The following WDFY3 variants were observed in gnomAD, a reference collection of about 807,000 sequenced individuals.
WDFY3 encodes WD repeat and FYVE domain-containing protein 3.
A neutral mutation model predicts 409.6 loss-of-function variants in WDFY3; 66 were observed. That is an observed-to-expected ratio of 0.16 (90% CI 0.13 to 0.20). WDFY3 has a LOEUF of 0.20. Among genes scored for constraint, WDFY3 ranks in the 10% least tolerant of loss-of-function variants. The pLI is 1.00. For missense variants in WDFY3, 3,031 were observed against 4,298.1 expected (o/e 0.71, Z 8.24); for synonymous variants, 1,521 against 1,537.1 (o/e 0.99, Z 0.25).
At chr4:84,820,037 A>C in intron 12 of WDFY3, 48 bp downstream of exon 12, 1 of 1,447,612 alleles carries the variant, frequency 6.9e-7, no homozygotes. Context: ...CAGAAGATGT[A>C]ATCAGTGGTA....
intron 51 of WDFY3, among the ~76,000 whole-genome samples, chr4:84,711,015 T>G (rs1000918692): frequency 2.6e-5 from 4 of 152,250 alleles, no homozygotes; most frequent in African/African-American, 9.6e-5. Context: ...AGTATTTAGA[T>G]GCACACAGAC....
chr4:84,782,614 C>T (rs1054017130), intron 25 of WDFY3, among the ~76,000 whole-genome samples: 3 of 152,164 alleles, frequency 2.0e-5, no homozygotes, highest in Admixed American at 6.5e-5. Context: ...TTCAGCTCCC[C>T]GCTATGAGTG....
chr4:84,683,386 G>A (rs1727736192), intron 63 of WDFY3, among the ~76,000 whole-genome samples: 1 of 152,160 alleles, frequency 6.6e-6, no homozygotes. Flanking sequence ...AAAATCTCCT[G>A]AGACAGAAAA....
rs1232027530 is a variant in WDFY3 at position 84,880,690 on chromosome 4, T to C, written c.-32+16221A>G. On this transcript the variant is annotated intron_variant, in intron 3 of 67. Transcript: ENST00000295888. ...GGAACCATACATATATATATATATATATATATATATATATATATATATATA... is the reference window on the plus strand; with the variant it reads ...GGAACCATACATATATATATATATACATATATATATATATATATATATATA... 3.5e-4 allele frequency among the ~76,000 whole-genome samples: 15 copies of C among 42,688 alleles called. 1 individual carries two copies. The highest frequency in any genetic ancestry group is 1.5e-3 in the East Asian group (2 of 1,334). The allele number at this position is 42,688 out of a possible 152,430, so 28.0% of individuals were successfully genotyped here. A position where few individuals can be genotyped will look rare whatever the true frequency, so the allele number is the denominator to read the frequency against.
chr4:84,703,512 CT>C (rs1331807663), intron 55 of WDFY3, among the ~76,000 whole-genome samples: 2 of 152,146 alleles, frequency 1.3e-5, no homozygotes, highest in Admixed American at 1.3e-4. Flanking sequence ...TTGTCGAACT[CT>C]TCCCCTACAA....
chr4:84,733,020 C>T (rs921680586), intron 44 of WDFY3, among the ~76,000 whole-genome samples: 1 of 152,174 alleles, frequency 6.6e-6, no homozygotes, highest in Non-Finnish European at 1.5e-5. Context: ...TGAACTAAAT[C>T]CTCCTAACAG....
intron 36 of WDFY3, among the ~76,000 whole-genome samples, chr4:84,749,135 C>A (rs532362898): frequency 3.3e-5 from 5 of 152,116 alleles, no homozygotes; most frequent in Non-Finnish European, 7.4e-5. Context: ...ATCCTTCTGC[C>A]TTGACCTCCC....
intron 2 of WDFY3, among the ~76,000 whole-genome samples, chr4:84,904,215 TTC>T (rs1440375740): frequency 1.3e-5 from 2 of 152,246 alleles, no homozygotes; most frequent in Admixed American, 1.3e-4. Flanking sequence ...AGAAATAAAT[TTC>T]TGTCATGCAT....
intron 29 of WDFY3, among the ~76,000 whole-genome samples, chr4:84,774,429 T>TA (rs1329879123): frequency 6.6e-6 from 1 of 152,194 alleles, no homozygotes. Context: ...TGACAGAGAA[T>TA]AAAAAATAGC....
chr4:84,778,770 T>A, intron 26 of WDFY3, 115 bp from the exon 27 acceptor site: 2 of 924,286 alleles, frequency 2.2e-6, no homozygotes, highest in Non-Finnish European at 3.0e-6. Context: ...AACACACACA[T>A]ACACACAGAA....
intron 1 of WDFY3, among the ~76,000 whole-genome samples, chr4:84,939,169 G>C (rs538310379): frequency 2.2e-4 from 34 of 152,016 alleles, no homozygotes; most frequent in African/African-American, 8.0e-4. Context: ...CTTTTTTAAG[G>C]ACCACAGTTC....
At chr4:84,835,571 T>C (rs1288367556) in intron 7 of WDFY3, among the ~76,000 whole-genome samples, 1 of 152,216 alleles carries the variant, frequency 6.6e-6, no homozygotes, top group Non-Finnish European at 1.5e-5. Flanking sequence ...AGATCAAGTG[T>C]TCAATAAACA....
chr4:84,857,033 T>C (rs1459461779), intron 4 of WDFY3, among the ~76,000 whole-genome samples: 1 of 152,220 alleles, frequency 6.6e-6, no homozygotes, highest in Non-Finnish European at 1.5e-5. Flanking sequence ...TTTAAAATAA[T>C]ACATTTTTCA....
intron 64 of WDFY3, 125 bp downstream of exon 64, chr4:84,682,249 A>G (rs1727492711): frequency 6.5e-6 from 5 of 773,516 alleles, no homozygotes; most frequent in South Asian, 5.6e-5. Flanking sequence ...ACAGGCAGCA[A>G]CCATGCTTCT....
At chr4:84,754,025 T>C (rs1740989119) in intron 34 of WDFY3, 149 bp from the exon 35 acceptor site, 3 of 814,018 alleles carry the variant, frequency 3.7e-6, no homozygotes, top group Non-Finnish European at 5.0e-6. Context: ...CAAACACACA[T>C]GTATACACAC....
chr4:84,739,053 C>T lies in WDFY3; in HGVS notation c.6531G>A (p.Ser2177=), dbSNP rs760804870. 7 of 1,614,066 alleles carry T rather than the reference C, an allele frequency of 4.3e-6. No individual in the cohort carries two copies. In the South Asian group the frequency reaches 4.4e-5, roughly 10 times the overall value. Residue 2177 remains serine (S), a synonymous_variant, in exon 40 of 68, where the codon TCG becomes TCA. Coordinates refer to ENST00000295888, the MANE Select transcript of WDFY3 (RefSeq NM_014991.6). ...RMTTWHIMIP[S]DIEPDGSYSQ... is the part of the protein sequence containing the mutation. ...TGTAACTACCATCTGGTTCAATGTCCGAGGGGATCATAATGTGCCATGTGG... is the reference window on the plus strand; with the variant it reads ...TGTAACTACCATCTGGTTCAATGTCTGAGGGGATCATAATGTGCCATGTGG...
At chr4:84,797,272 T>A (rs186953614) in intron 18 of WDFY3, among the ~76,000 whole-genome samples, 1 of 152,226 alleles carries the variant, frequency 6.6e-6, no homozygotes, top group East Asian at 1.9e-4. Flanking sequence ...AAATGCATGA[T>A]CGTAAAAGTA....
intron 11 of WDFY3, among the ~76,000 whole-genome samples, chr4:84,820,607 C>T (rs1022710618): frequency 1.3e-5 from 2 of 151,964 alleles, no homozygotes; most frequent in Non-Finnish European, 2.9e-5. Context: ...TACTACTGTA[C>T]TTTTATCAGA....
At chr4:84,715,776 G>C (rs1378598444) in intron 49 of WDFY3, among the ~76,000 whole-genome samples, 5 of 46,456 alleles carry the variant, frequency 1.1e-4, no homozygotes, top group African/African-American at 2.6e-4. Flanking sequence ...CTCTGTCTCA[G>C]AAAAAAAAAA....
Sources: gnomAD v4.1 joint callset for allele counts (sites outside exome capture counted in the v4.1 genomes callset) on GRCh38, gnomAD v4.1.1 for gene constraint, MANE v1.5 for transcripts, NCBI Gene and HGNC (gene_info 2026-07-23, HGNC 2026-07-21) for gene names.